The following DNAH8 variants were observed in gnomAD, a reference collection of about 807,000 sequenced individuals.
DNAH8 encodes axonemal beta dynein heavy chain 8.
In DNAH8, 382 loss-of-function variants were observed where a neutral mutation model predicts 562.1. The ratio of observed to expected loss-of-function variants is 0.68; its 90% CI spans 0.63 to 0.74. The LOEUF is 0.74. Among genes scored for constraint, DNAH8 ranks in the 30% least tolerant of loss-of-function variants. DNAH8 has a pLI of 0.00. For synonymous variants in DNAH8, 1,881 were observed against 1,919.4 expected (o/e 0.98, Z 0.52); for missense variants, 5,203 against 5,620.4 (o/e 0.93, Z 2.37).
intron 5 of DNAH8, 128 bp from the exon 6 acceptor site, chr6:38,736,939 T>G: frequency 3.3e-6 from 2 of 599,096 alleles, no homozygotes; most frequent in Non-Finnish European, 5.2e-6. Context: ...CATAACCACT[T>G]AAGATTCCCT....
At chr6:38,862,521 T>C in intron 44 of DNAH8, 63 bp downstream of exon 44, 1 of 1,526,918 alleles carries the variant, frequency 6.5e-7, no homozygotes, top group South Asian at 1.3e-5. Context: ...TTAATGTTAT[T>C]TTCTGATATA....
In DNAH8 at chr6:38,823,641, A is replaced by C. The variant is rs772332577; in HGVS notation, c.3800A>C (p.Asp1267Ala). The change falls in exon 28 of 93, where the codon GAT (aspartate) becomes GCT (alanine). Residue 1267 changes from aspartate (D) to alanine (A), a missense_variant. Physicochemically the swap from Asp to Ala is moderately radical, Grantham distance 126. This residue lies in a region of DNAH8 where 2,176 missense variants were observed against 2,365.1 expected (regional missense o/e 0.92). Coordinates refer to ENST00000327475, the MANE Select transcript of DNAH8 (RefSeq NM_001206927.2). ...LHYATFEQEI[D>A]ELKPIIVVGA... ...TATGCTACTTTTGAACAGGAGATTG[A>C]TGAGTTGAAGCCTATTATTGTTGTA... The C allele has an allele frequency of 1.2e-5, 19 of 1,607,486 alleles. 1 individual carries two copies. In the South Asian group the frequency reaches 2.1e-4, roughly 18 times the overall value.
At chr6:38,888,483 A>G (rs1285571871) in intron 57 of DNAH8, among the ~76,000 whole-genome samples, 2 of 152,216 alleles carry the variant, frequency 1.3e-5, no homozygotes, top group Non-Finnish European at 2.9e-5. Flanking sequence ...TTTAACACAT[A>G]TAATAACAAC....
At chr6:38,808,074 G>A (rs1771456795) in intron 24 of DNAH8, among the ~76,000 whole-genome samples, 1 of 152,122 alleles carries the variant, frequency 6.6e-6, no homozygotes, top group Non-Finnish European at 1.5e-5. Context: ...TATTTGAACT[G>A]TGCTTGGTAT....
chr6:38,998,508 C>A (rs1367582410), intron 88 of DNAH8, among the ~76,000 whole-genome samples: 3 of 152,120 alleles, frequency 2.0e-5, no homozygotes, highest in Non-Finnish European at 4.4e-5. Flanking sequence ...CATTTCAATG[C>A]AATACAAATT....
At chr6:38,843,309 T>G (rs1193547601) in intron 35 of DNAH8, among the ~76,000 whole-genome samples, 1 of 152,070 alleles carries the variant, frequency 6.6e-6, no homozygotes, top group African/African-American at 2.4e-5. Context: ...CATTTTTCCT[T>G]TCCAAGATTT....
At chr6:38,730,562 T>A (rs1285341104) in intron 4 of DNAH8, among the ~76,000 whole-genome samples, 1 of 152,236 alleles carries the variant, frequency 6.6e-6, no homozygotes, top group Admixed American at 6.5e-5. Flanking sequence ...TCTTTCTCAC[T>A]TGGTTCCTCT....
rs971718644 is a variant in DNAH8 at position 38,881,894 on chromosome 6, G to A, written c.7859-1016G>A. ...GGCAAATACTCTATATCTAGTAAACGGTTGACTCTTTTTTTGGTCTTTTCC... is the reference window on the plus strand; with the variant it reads ...GGCAAATACTCTATATCTAGTAAACAGTTGACTCTTTTTTTGGTCTTTTCC... On this transcript the variant is annotated intron_variant, in intron 53 of 92. Coordinates refer to ENST00000327475, the MANE Select transcript of DNAH8 (RefSeq NM_001206927.2). Among the ~76,000 whole-genome samples, 16 of 152,126 alleles carry A rather than the reference G, an allele frequency of 1.1e-4. No individual in the cohort carries two copies. In the Middle Eastern group the frequency reaches 0.01, roughly 97 times the overall value.
chr6:38,910,231 A>C (rs908939386), intron 65 of DNAH8, among the ~76,000 whole-genome samples: 1 of 152,210 alleles, frequency 6.6e-6, no homozygotes, highest in South Asian at 2.1e-4. Context: ...TCAATTGACT[A>C]TGGGAAAACC....
chr6:38,915,263 G>A lies in DNAH8; in HGVS notation c.10026G>A (p.Glu3342=). Residue 3342 remains glutamate, a synonymous_variant, in exon 68 of 93, where the codon GAG becomes GAA. Coordinates refer to ENST00000327475, the MANE Select transcript of DNAH8 (RefSeq NM_001206927.2). ...ASAKIKNEVQ[E]VKDKAQKIVD... is the part of the protein sequence containing the mutation. ...CCAAAATTAAAAATGAAGTACAGGA[G>A]GTAAAGGACAAAGCCCAAAAAATTG... 6.2e-7 allele frequency: 1 copy of A among 1,610,940 alleles called. No individual in the cohort carries two copies. The highest frequency in any genetic ancestry group is 1.3e-5 in the African/African-American group (1 of 74,808).
At chr6:38,761,649 A>T (rs1401682162) in intron 10 of DNAH8, 53 bp from the exon 11 acceptor site, 3 of 1,060,636 alleles carry the variant, frequency 2.8e-6, no homozygotes, top group Non-Finnish European at 4.0e-6. Context: ...ATTTATATAT[A>T]AATGTTATTT....
intron 88 of DNAH8, among the ~76,000 whole-genome samples, chr6:39,000,047 T>G (rs1289483837): frequency 6.6e-6 from 1 of 152,180 alleles, no homozygotes; most frequent in Non-Finnish European, 1.5e-5. Flanking sequence ...CCTTTAAATA[T>G]TGAAGAATTG....
intron 88 of DNAH8, among the ~76,000 whole-genome samples, chr6:39,002,575 T>G (rs974536421): frequency 3.3e-5 from 5 of 152,348 alleles, no homozygotes; most frequent in African/African-American, 1.2e-4. Context: ...GTGTTCTCTG[T>G]TCATGTATTC....
intron 13 of DNAH8, 47 bp downstream of exon 13, chr6:38,775,998 A>C (rs779911023): frequency 6.7e-6 from 8 of 1,200,176 alleles, no homozygotes; most frequent in East Asian, 2.3e-5. Flanking sequence ...AAAAGTAGTC[A>C]GTAGTACTAT....
rs1241609542 is a variant in DNAH8 at position 39,012,287 on chromosome 6, A to G, written c.13444A>G (p.Met4482Val). 4 of 1,612,836 alleles carry G rather than the reference A, an allele frequency of 2.5e-6. No homozygotes were observed. The Admixed American group carries it at 6.7e-5, about 27-fold the overall frequency. The change falls in exon 90 of 93, where the codon ATG becomes GTG. Residue 4482 changes from methionine to valine, a missense_variant. Met to Val is a conservative substitution (Grantham distance 21). This residue lies in a region of DNAH8 where 1,399 missense variants were observed against 1,518.4 expected (regional missense o/e 0.92). Transcript: ENST00000327475. ...NIFLRQEIDR[M>V]QRVISILRSS... Reference sequence around the variant, plus strand: ...ATTTCTTAGACAAGAAATTGACAGAATGCAAAGAGTCATTTCAATACTCCG... The same window carrying G: ...ATTTCTTAGACAAGAAATTGACAGAGTGCAAAGAGTCATTTCAATACTCCG...
intron 88 of DNAH8, among the ~76,000 whole-genome samples, chr6:38,996,425 T>C (rs1166487953): frequency 6.6e-6 from 1 of 152,170 alleles, no homozygotes; most frequent in Non-Finnish European, 1.5e-5. Flanking sequence ...CTATGTGACA[T>C]CCACTGGCAT....
At chr6:38,807,120 GA>G (rs1212673722) in intron 23 of DNAH8, among the ~76,000 whole-genome samples, 1 of 152,170 alleles carries the variant, frequency 6.6e-6, no homozygotes, top group Non-Finnish European at 1.5e-5. Context: ...AGGGTGTGGA[GA>G]GAGGGTCAAA....
In DNAH8 at chr6:38,923,972, C is replaced by A. The variant is rs768031758; in HGVS notation, c.10791-19C>A. On this transcript the variant is annotated intron_variant, in intron 72 of 92. Coordinates refer to ENST00000327475, the MANE Select transcript of DNAH8 (RefSeq NM_001206927.2). Reference sequence around the variant, plus strand: ...CAGGTGACTCACTTTGGGGAGGGGGCTGTGTGTTTTCTTCACAGACTTGTA... The same window carrying A: ...CAGGTGACTCACTTTGGGGAGGGGGATGTGTGTTTTCTTCACAGACTTGTA... The A allele has an allele frequency of 6.2e-7, 1 of 1,613,222 alleles. No individual in the cohort carries two copies. The highest frequency in any genetic ancestry group is 2.2e-5 in the East Asian group (1 of 44,846).
chr6:38,869,729 G>A (rs1035877329), intron 48 of DNAH8, among the ~76,000 whole-genome samples: 3 of 152,142 alleles, frequency 2.0e-5, no homozygotes, highest in African/African-American at 7.2e-5. Context: ...CATGGGGTTG[G>A]GACTACAAAT....
Sources: allele counts gnomAD v4.1 joint callset (sites outside exome capture counted in the v4.1 genomes callset), GRCh38; gene constraint gnomAD v4.1.1; regional missense constraint gnomAD v4.1.1; transcripts MANE v1.5; gene names NCBI Gene and HGNC (gene_info 2026-07-23, HGNC 2026-07-21).